Variants in SHISA9 observed in about 807,000 individuals in gnomAD.
SHISA9 encodes protein shisa-9.
A neutral mutation model predicts 38.0 loss-of-function variants in SHISA9; 13 were observed. The ratio of observed to expected loss-of-function variants is 0.34; its 90% CI spans 0.22 to 0.54. The LOEUF (loss-of-function observed/expected upper bound fraction) is 0.54, where lower values mean the gene tolerates loss of function less well. SHISA9 is among the 20% of genes least tolerant of loss of function. The pLI is 0.91. For missense variants in SHISA9, 538 were observed against 575.8 expected (o/e 0.93, Z 0.67); for synonymous variants, 275 against 242.0 (o/e 1.14, Z -1.27).
the SHISA9 span, among the ~76,000 whole-genome samples, chr16:13,503,338 T>C: frequency 2.0e-5 from 3 of 152,210 alleles, no homozygotes; most frequent in African/African-American, 7.2e-5. Flanking sequence ...TATCTATTGC[T>C]GAGTAACAGA....
At chr16:13,426,570 G>T in the SHISA9 span, among the ~76,000 whole-genome samples, 1 of 152,062 alleles carries the variant, frequency 6.6e-6, no homozygotes, top group Non-Finnish European at 1.5e-5. Context: ...TTAGACCAAG[G>T]CCACTTAATA....
intron 2 of SHISA9, among the ~76,000 whole-genome samples, chr16:13,015,371 A>G (rs952705055): frequency 6.6e-6 from 1 of 152,246 alleles, no homozygotes; most frequent in East Asian, 1.9e-4. Context: ...TCTTGTGACA[A>G]TCTTGAAAGG....
the SHISA9 span, chr16:13,458,696 TA>T: frequency 3.7e-3 from 868 of 236,156 alleles, no homozygotes; most frequent in South Asian, 7.7e-3. Context: ...CTTGAGGATG[TA>T]AAAAAAAAAT....
At chr16:13,418,608 C>A in the SHISA9 span, among the ~76,000 whole-genome samples, 1 of 152,118 alleles carries the variant, frequency 6.6e-6, no homozygotes, top group Non-Finnish European at 1.5e-5. Context: ...CCTGCCCAGG[C>A]CCATGGAGAG....
intron 2 of SHISA9, among the ~76,000 whole-genome samples, chr16:13,073,208 C>T (rs1389794255): frequency 7.2e-6 from 1 of 139,762 alleles, no homozygotes; most frequent in Non-Finnish European, 1.5e-5. Context: ...TCTCTCCTAT[C>T]TCTCTCTCTC....
intron 2 of SHISA9, among the ~76,000 whole-genome samples, chr16:13,145,379 T>G (rs2050438179): frequency 6.6e-6 from 1 of 152,002 alleles, no homozygotes; most frequent in East Asian, 1.9e-4. Context: ...ACAAAAAAAT[T>G]AGCCAGGTGT....
chr16:13,401,936 T>A, the SHISA9 span, among the ~76,000 whole-genome samples: 1 of 151,938 alleles, frequency 6.6e-6, no homozygotes, highest in Non-Finnish European at 1.5e-5. Flanking sequence ...TATAAAACCA[T>A]CAGATCTCAT....
intron 2 of SHISA9, among the ~76,000 whole-genome samples, chr16:13,081,131 T>C (rs919031642): frequency 6.6e-6 from 1 of 152,202 alleles, no homozygotes; most frequent in Admixed American, 6.5e-5. Flanking sequence ...TGATGGAGAA[T>C]TGGGGTTTTC....
At chr16:13,360,322 G>A in the SHISA9 span, among the ~76,000 whole-genome samples, 2 of 152,298 alleles carry the variant, frequency 1.3e-5, no homozygotes, top group East Asian at 3.9e-4. Context: ...TCCTGTCTCA[G>A]GGCTTGATAT....
intron 2 of SHISA9, among the ~76,000 whole-genome samples, chr16:12,974,068 T>C (rs2072121804): frequency 6.6e-6 from 1 of 152,026 alleles, no homozygotes; most frequent in Non-Finnish European, 1.5e-5. Context: ...GATTCTTTGG[T>C]GGTAAGCCAA....
At chr16:13,162,807 C>A (rs1280172266) in intron 2 of SHISA9, among the ~76,000 whole-genome samples, 1 of 150,338 alleles carries the variant, frequency 6.7e-6, no homozygotes, top group East Asian at 2.0e-4. Flanking sequence ...GAAAGGAAAG[C>A]AAATTAAGTT....
At chr16:13,359,048 G>C in the SHISA9 span, among the ~76,000 whole-genome samples, 83 of 152,098 alleles carry the variant, frequency 5.5e-4, no homozygotes, top group Non-Finnish European at 5.1e-4. Flanking sequence ...TTCTTGATTA[G>C]GATGAGAAAT....
chr16:13,557,830 C>G, the SHISA9 span, among the ~76,000 whole-genome samples: 3 of 152,064 alleles, frequency 2.0e-5, no homozygotes, highest in Admixed American at 2.0e-4. Flanking sequence ...CCCACTGTCC[C>G]CCTGGCTCAC....
intron 2 of SHISA9, among the ~76,000 whole-genome samples, chr16:13,114,309 A>T (rs1386012530): frequency 6.6e-6 from 1 of 151,902 alleles, no homozygotes; most frequent in Non-Finnish European, 1.5e-5. Flanking sequence ...CACTAAAAAT[A>T]CAAAAAATTA....
At chr16:13,309,976 C>T in the SHISA9 span, among the ~76,000 whole-genome samples, 1 of 152,142 alleles carries the variant, frequency 6.6e-6, no homozygotes, top group Non-Finnish European at 1.5e-5. Flanking sequence ...CAACCTCTGC[C>T]TCCCAAGTTC....
At chr16:13,248,510 T>G in the SHISA9 span, among the ~76,000 whole-genome samples, 1 of 152,164 alleles carries the variant, frequency 6.6e-6, no homozygotes, top group Non-Finnish European at 1.5e-5. Flanking sequence ...TAACTTCTAG[T>G]TATGTGACCT....
At position 13,230,072 on chromosome 16, in the gene SHISA9, G is replaced by A. The variant is rs545139029; in HGVS notation, c.896-4958G>A. On this transcript the variant is annotated intron_variant, in intron 4 of 4. Coordinates refer to ENST00000558583, the MANE Select transcript of SHISA9 (RefSeq NM_001145204.3). ...GCCCCTTTGTGTGCCCTTTCAGGGA[G>A]CAAACTAGGCCCTCAACAAACACGG... Among the ~76,000 whole-genome samples the A allele has an allele frequency of 3.2e-4, 49 of 152,178 alleles. No homozygotes were observed. In the South Asian group the frequency reaches 8.5e-3, roughly 27 times the overall value.
chr16:13,020,528 T>C (rs938065444), intron 2 of SHISA9, among the ~76,000 whole-genome samples: 2 of 152,178 alleles, frequency 1.3e-5, no homozygotes, highest in Non-Finnish European at 2.9e-5. Context: ...TGGTGTCTCT[T>C]CTTATTGGAT....
chr16:13,448,247 G>A, the SHISA9 span, among the ~76,000 whole-genome samples: 1 of 152,208 alleles, frequency 6.6e-6, no homozygotes, highest in African/African-American at 2.4e-5. Context: ...GCATGCACAT[G>A]TACCCTGGTC....
Sources: gnomAD v4.1 joint callset for allele counts (sites outside exome capture counted in the v4.1 genomes callset) on GRCh38, gnomAD v4.1.1 for gene constraint, MANE v1.5 for transcripts, NCBI Gene and HGNC (gene_info 2026-07-23, HGNC 2026-07-21) for gene names.